MIA2: variants seen among roughly 807,000 people sequenced by gnomAD.
MIA2 encodes the protein MIA SH3 domain ER export factor 2, also known as melanoma inhibitory activity protein 2.
In MIA2, 127 loss-of-function variants were observed where a neutral mutation model predicts 167.8. The observed-to-expected ratio is 0.76, with a 90% confidence interval of 0.66 to 0.88. MIA2 has a LOEUF of 0.88. Ranked by LOEUF, MIA2 falls within the 40% of genes least tolerant of loss-of-function variation. The probability of loss-of-function intolerance (pLI) is 0.00; values close to 1 mark genes in which losing one functional copy is unlikely to be tolerated. For missense variants in MIA2, 1,690 were observed against 1,624.7 expected, an observed-to-expected ratio of 1.04 and a Z score of -0.69; for synonymous variants, 552 against 541.9, an observed-to-expected ratio of 1.02 and a Z score of -0.26.
At chr14:39,334,971 T>G (rs888243093) in intron 25 of MIA2, among the ~76,000 whole-genome samples, 3 of 152,088 alleles carry the variant, frequency 2.0e-5, no homozygotes, top group Admixed American at 6.6e-5. Flanking sequence ...GTCTTCTGGC[T>G]GGGTGCAGTG....
At chr14:39,336,834 C>T (rs1182594438) in intron 25 of MIA2, among the ~76,000 whole-genome samples, 1 of 152,186 alleles carries the variant, frequency 6.6e-6, no homozygotes, top group Non-Finnish European at 1.5e-5. Context: ...TAGCCTTGAA[C>T]TCCTGATCTC....
chr14:39,306,544 AATCACCTCCC>A (rs2063370675), intron 17 of MIA2, among the ~76,000 whole-genome samples: 1 of 152,166 alleles, frequency 6.6e-6, no homozygotes, highest in Admixed American at 6.5e-5. Context: ...CCCTTGGTCC[AATCACCTCCC>A]ATCTGGCCCC....
chr14:39,288,461 A>ATTTTTTTT lies in MIA2; in HGVS notation c.2131-2557_2131-2556insTTTTTTTT, dbSNP rs1225086664. Among the ~76,000 whole-genome samples the ATTTTTTTT allele has an allele frequency of 3.0e-4, 6 of 19,892 alleles. 1 individual carries two copies. Among genetic ancestry groups the ATTTTTTTT allele is most frequent in the Non-Finnish European group, 5.7e-4 (5 of 8,794 alleles). The allele number at this position is 19,892 out of a possible 152,430, so 13.0% of individuals were successfully genotyped here. A position where few individuals can be genotyped will look rare whatever the true frequency, so the allele number is the denominator to read the frequency against. ...TATATATATATATATATATATATAT[A>ATTTTTTTT]TATATATATATATATTTTTTTTTTT... On this transcript the variant is annotated intron_variant, in intron 9 of 28. Transcript: ENST00000640607.
At chr14:39,360,841 A>G (rs1456550588) in intron 23 of MIA2, among the ~76,000 whole-genome samples, 1 of 152,134 alleles carries the variant, frequency 6.6e-6, no homozygotes, top group Non-Finnish European at 1.5e-5. Context: ...ATATGGTGAG[A>G]GATAAGGGTC....
Position 39,247,748 on chromosome 14 carries a change from GAAGATAAA to G in MIA2, c.1176_1183del (p.Glu392AspfsTer5). 2 of 1,613,500 alleles carry G rather than the reference GAAGATAAA, an allele frequency of 1.2e-6. No individual in the cohort carries two copies. ...TATACTAGGCTTTGCATATGCCAAGGAAGATAAAATTATGTTAGATGACAGGAAAAATG... is the reference window on the plus strand; with the variant it reads ...TATACTAGGCTTTGCATATGCCAAGGATTATGTTAGATGACAGGAAAAATG... On this transcript the variant is annotated frameshift_variant, in exon 4 of 29. Coordinates refer to ENST00000640607, the MANE Select transcript of MIA2 (RefSeq NM_001329214.4). LOFTEE classifies it high-confidence loss of function.
At position 39,320,943 on chromosome 14, in the gene MIA2, G is replaced by A; in HGVS notation, c.3383G>A (p.Gly1128Asp). 6.2e-7 allele frequency: 1 copy of A among 1,613,198 alleles called. No homozygotes were observed. The highest frequency in any genetic ancestry group is 8.5e-7 in the Non-Finnish European group (1 of 1,179,652). Residue 1128 changes from glycine (G) to aspartate (D), a missense_variant, in exon 24 of 29, where the codon GGT (glycine) becomes GAT (aspartate). Gly to Asp is a moderately conservative substitution (Grantham distance 94). Transcript: ENST00000640607. Reference protein sequence around the residue: ...TAFGREHSPYGPSPLGWPSSE... With the variant: ...TAFGREHSPYDPSPLGWPSSE... ...ATTATTCCAGAGCATTCCCCATATG[G>A]TCCCTCACCATTGGGTTGGCCTTCA...
At chr14:39,277,608 C>T (rs900319444) in intron 7 of MIA2, among the ~76,000 whole-genome samples, 24 of 140,026 alleles carry the variant, frequency 1.7e-4, no homozygotes, top group African/African-American at 5.8e-4. Flanking sequence ...CTCGGCCTCC[C>T]AAAGTCTTGG....
intron 9 of MIA2, among the ~76,000 whole-genome samples, chr14:39,290,209 C>G (rs1156273044): frequency 6.6e-6 from 1 of 152,150 alleles, no homozygotes; most frequent in Non-Finnish European, 1.5e-5. Flanking sequence ...AGCCCATCAG[C>G]CTCTTCTTCT....
chr14:39,320,233 A>G (rs1566909121), intron 23 of MIA2, among the ~76,000 whole-genome samples: 1 of 152,050 alleles, frequency 6.6e-6, no homozygotes, highest in Non-Finnish European at 1.5e-5. Context: ...TAAAAATGTT[A>G]TTTTGGTGGT....
chr14:39,237,893 C>T (rs777132356), intron 2 of MIA2, among the ~76,000 whole-genome samples: 6 of 152,118 alleles, frequency 3.9e-5, no homozygotes, highest in Admixed American at 6.6e-5. Context: ...GCGTGTGCCA[C>T]CATGCCCGGC....
intron 3 of MIA2, among the ~76,000 whole-genome samples, chr14:39,243,774 G>C (rs2054167726): frequency 6.6e-6 from 1 of 152,198 alleles, no homozygotes; most frequent in African/African-American, 2.4e-5. Flanking sequence ...GCTGAGACAG[G>C]AGAATTGCTT....
chr14:39,248,255 C>T (rs1409548156), intron 4 of MIA2, 114 bp downstream of exon 4: 2 of 782,906 alleles, frequency 2.6e-6, no homozygotes, highest in South Asian at 1.2e-4. Context: ...GAATACTTAG[C>T]TCTTTCATCA....
chr14:39,347,318 A>G (rs1011208092), intron 26 of MIA2, among the ~76,000 whole-genome samples: 4 of 152,218 alleles, frequency 2.6e-5, no homozygotes, highest in African/African-American at 7.2e-5. Context: ...GCTAAATTTC[A>G]GTAGCTAGTC....
chr14:39,269,660 C>T (rs918883551), intron 6 of MIA2, among the ~76,000 whole-genome samples: 1 of 151,994 alleles, frequency 6.6e-6, no homozygotes, highest in African/African-American at 2.4e-5. Context: ...GGTGGGACCA[C>T]AGCACATGCC....
intron 24 of MIA2, among the ~76,000 whole-genome samples, chr14:39,324,901 C>A (rs1236278322): frequency 6.6e-6 from 1 of 152,136 alleles, no homozygotes; most frequent in Non-Finnish European, 1.5e-5. Context: ...GCCATCACGC[C>A]TGGCTATTTT....
intron 17 of MIA2, among the ~76,000 whole-genome samples, chr14:39,305,298 G>A (rs184458684): frequency 3.6e-4 from 55 of 152,290 alleles, no homozygotes; most frequent in African/African-American, 1.2e-3. Context: ...AAAACTATGG[G>A]AGATATACAG....
At chr14:39,262,379 C>G (rs898108669) in intron 6 of MIA2, among the ~76,000 whole-genome samples, 1 of 152,152 alleles carries the variant, frequency 6.6e-6, no homozygotes, top group African/African-American at 2.4e-5. Context: ...GTCTATATCT[C>G]TGTTTTGGTA....
At chr14:39,252,174 G>A (rs1026013039) in intron 4 of MIA2, among the ~76,000 whole-genome samples, 1 of 152,088 alleles carries the variant, frequency 6.6e-6, no homozygotes, top group Non-Finnish European at 1.5e-5. Flanking sequence ...CCTAAAAGAT[G>A]TCTATATCTT....
downstream of MIA2, among the ~76,000 whole-genome samples, chr14:39,356,318 C>T (rs981622005): frequency 5.3e-5 from 8 of 152,170 alleles, no homozygotes; most frequent in East Asian, 1.2e-3. Flanking sequence ...CCATTTCTTC[C>T]AGATTTTCTA....
Sources: allele counts gnomAD v4.1 joint callset (sites outside exome capture counted in the v4.1 genomes callset), GRCh38; gene constraint gnomAD v4.1.1; transcripts MANE v1.5; gene names NCBI Gene and HGNC (gene_info 2026-07-23, HGNC 2026-07-21).